Variants in CNTNAP2 observed in about 807,000 individuals in gnomAD.
The protein encoded by CNTNAP2 is contactin-associated protein-like 2.
Under a neutral mutation model 155.2 loss-of-function variants are expected in CNTNAP2, and 98 were observed. The ratio of observed to expected loss-of-function variants is 0.63; its 90% CI spans 0.54 to 0.75. The LOEUF is 0.75. CNTNAP2 is among the 30% of genes least tolerant of loss of function. The probability of loss-of-function intolerance (pLI) is 0.00; values close to 1 mark genes in which losing one functional copy is unlikely to be tolerated. For missense variants in CNTNAP2, 1,727 were observed against 1,688.1 expected (o/e 1.02, Z -0.40); for synonymous variants, 651 against 631.2 (o/e 1.03, Z -0.47).
chr7:146,830,288 C>T (rs1392319595), intron 2 of CNTNAP2, among the ~76,000 whole-genome samples: 2 of 151,948 alleles, frequency 1.3e-5, no homozygotes, highest in Non-Finnish European at 2.9e-5. Context: ...GGCAGAATCA[C>T]TTCTAGAACA....
chr7:146,386,350 C>G (rs1215647407), intron 1 of CNTNAP2, among the ~76,000 whole-genome samples: 2 of 152,116 alleles, frequency 1.3e-5, no homozygotes, highest in Non-Finnish European at 2.9e-5. Context: ...ACTTGGAATA[C>G]TGTAACTTCA....
intron 14 of CNTNAP2, among the ~76,000 whole-genome samples, chr7:147,959,000 A>G (rs1585048903): frequency 6.6e-6 from 1 of 152,122 alleles, no homozygotes; most frequent in Non-Finnish European, 1.5e-5. Context: ...TCTATACAAA[A>G]AGGCTCCACT....
At chr7:147,052,293 A>G (rs923798318) in intron 4 of CNTNAP2, among the ~76,000 whole-genome samples, 1 of 152,192 alleles carries the variant, frequency 6.6e-6, no homozygotes, top group Non-Finnish European at 1.5e-5. Flanking sequence ...GGAGGAGGAG[A>G]CAGCAAGTGT....
chr7:146,797,801 T>C (rs56176508), intron 2 of CNTNAP2, among the ~76,000 whole-genome samples: 13,279 of 152,262 alleles, frequency 0.087, 1,782 homozygotes, highest in African/African-American at 0.29. Flanking sequence ...TGTTTGTTCA[T>C]TACCATTTAT....
At chr7:147,637,376 G>A (rs994706163) in intron 12 of CNTNAP2, among the ~76,000 whole-genome samples, 1 of 152,090 alleles carries the variant, frequency 6.6e-6, no homozygotes, top group African/African-American at 2.4e-5. Flanking sequence ...GGGCAGGCTT[G>A]ATGATGAATG....
chr7:147,227,228 A>G (rs1284024995), intron 8 of CNTNAP2, among the ~76,000 whole-genome samples: 1 of 152,184 alleles, frequency 6.6e-6, no homozygotes, highest in Admixed American at 6.5e-5. Context: ...GCATGGTCCA[A>G]GAAGATAAAG....
chr7:147,635,168 C>T (rs1201113035), intron 12 of CNTNAP2, among the ~76,000 whole-genome samples: 1 of 137,440 alleles, frequency 7.3e-6, no homozygotes, highest in Non-Finnish European at 1.5e-5. Context: ...TTCTCCCAGC[C>T]ATTATCACTG....
chr7:146,638,754 G>A (rs578090366), intron 1 of CNTNAP2, among the ~76,000 whole-genome samples: 9 of 151,932 alleles, frequency 5.9e-5, no homozygotes, highest in Middle Eastern at 3.4e-3. Flanking sequence ...CAAAGTGTTG[G>A]GATTACAGGC....
At chr7:146,294,120 A>G (rs73162143) in intron 1 of CNTNAP2, among the ~76,000 whole-genome samples, 1,934 of 152,326 alleles carry the variant, frequency 0.013, 40 homozygotes, top group Middle Eastern at 0.058. Flanking sequence ...ATTAGAGCTG[A>G]CAGACAATTC....
intron 1 of CNTNAP2, among the ~76,000 whole-genome samples, chr7:146,593,265 C>T (rs1164403297): frequency 6.6e-6 from 1 of 151,892 alleles, no homozygotes; most frequent in Non-Finnish European, 1.5e-5. Flanking sequence ...AACCCCTAAG[C>T]TAGACCAGTC....
intron 1 of CNTNAP2, among the ~76,000 whole-genome samples, chr7:146,546,091 A>G (rs1798025584): frequency 1.3e-5 from 2 of 151,954 alleles, no homozygotes; most frequent in Non-Finnish European, 2.9e-5. Flanking sequence ...TAAAGGAAAC[A>G]TGGGTGTTGA....
intron 9 of CNTNAP2, among the ~76,000 whole-genome samples, chr7:147,311,787 A>G (rs1236985246): frequency 6.6e-6 from 1 of 152,168 alleles, no homozygotes; most frequent in East Asian, 1.9e-4. Flanking sequence ...GAGGAGATGA[A>G]TTTAGCATAC....
At chr7:146,985,954 G>GA (rs201306372) in intron 3 of CNTNAP2, among the ~76,000 whole-genome samples, 2 of 151,666 alleles carry the variant, frequency 1.3e-5, no homozygotes, top group African/African-American at 4.8e-5. Flanking sequence ...ATTTTTTTAA[G>GA]AAAAAATGAT....
intron 1 of CNTNAP2, among the ~76,000 whole-genome samples, chr7:146,574,851 C>T (rs545616237): frequency 2.0e-5 from 3 of 152,292 alleles, no homozygotes; most frequent in African/African-American, 7.2e-5. Context: ...TAATGACCTA[C>T]TGATTGACAC....
intron 2 of CNTNAP2, among the ~76,000 whole-genome samples, chr7:146,823,767 TAATTTC>T (rs1350614208): frequency 6.6e-6 from 1 of 152,054 alleles, no homozygotes; most frequent in Non-Finnish European, 1.5e-5. Context: ...TTTCTAATAA[TAATTTC>T]AAAAACTATG....
chr7:147,395,706 T>G lies in CNTNAP2; in HGVS notation c.1596T>G (p.Asn532Lys). 1.2e-6 allele frequency: 2 copies of G among 1,612,604 alleles called. No individual in the cohort carries two copies. The highest frequency in any genetic ancestry group is 2.2e-5 in the South Asian group (2 of 91,056). ...TTCAAGTGGACGATCAACTTGTAAA[T>G]TTATACGAAGTGGCACAAAGGAAGC... is the stretch of plus-strand genomic sequence containing the variant. ...QLIQVDDQLV[N>K]LYEVAQRKPG... Residue 532 changes from asparagine (N) to lysine (K), a missense_variant, in exon 10 of 24, where the codon AAT becomes AAG. By Grantham distance (94) the Asn-to-Lys change is moderately conservative (BLOSUM62 0). Transcript: ENST00000361727.
intron 1 of CNTNAP2, among the ~76,000 whole-genome samples, chr7:146,307,438 C>A (rs1379299240): frequency 6.6e-6 from 1 of 152,142 alleles, no homozygotes; most frequent in Non-Finnish European, 1.5e-5. Flanking sequence ...CCATCCCCAT[C>A]AAGCTACCAG....
At chr7:147,292,553 A>C (rs529060949) in intron 8 of CNTNAP2, among the ~76,000 whole-genome samples, 4 of 152,272 alleles carry the variant, frequency 2.6e-5, no homozygotes, top group Admixed American at 6.5e-5. Flanking sequence ...CATGGTATGT[A>C]TCTCCATTTG....
At chr7:148,049,238 C>G (rs1802837777) in intron 15 of CNTNAP2, among the ~76,000 whole-genome samples, 1 of 152,020 alleles carries the variant, frequency 6.6e-6, no homozygotes, top group Admixed American at 6.6e-5. Context: ...AAATAAGTGG[C>G]TAAGTCAGTA....
Sources: allele counts gnomAD v4.1 joint callset (sites outside exome capture counted in the v4.1 genomes callset), GRCh38; gene constraint gnomAD v4.1.1; transcripts MANE v1.5; gene names NCBI Gene and HGNC (gene_info 2026-07-23, HGNC 2026-07-21).